PCDHA4: variants seen among roughly 807,000 people sequenced by gnomAD.
PCDHA4 encodes the protein protocadherin alpha 4, also known as protocadherin alpha-4.
PCDHA4 carries 49 observed loss-of-function variants against 61.4 expected under a neutral mutation model. That is an observed-to-expected ratio of 0.80 (90% CI 0.63 to 1.01). The LOEUF (loss-of-function observed/expected upper bound fraction) is 1.01. Ranked by LOEUF, PCDHA4 falls within the 50% of genes least tolerant of loss-of-function variation. PCDHA4 has a pLI of 0.00. For missense variants in PCDHA4, 1,254 were observed against 1,235.8 expected (o/e 1.01, Z -0.22); for synonymous variants, 590 against 550.3 (o/e 1.07, Z -1.01).
intron 1 of PCDHA4, among the ~76,000 whole-genome samples, chr5:140,819,268 A>C (rs1554127630): frequency 1.3e-5 from 2 of 152,162 alleles, no homozygotes; most frequent in Non-Finnish European, 2.9e-5. Context: ...TATAATTTCT[A>C]TAGATAAGAG....
rs79215949 is a variant in PCDHA4 at position 140,921,420 on chromosome 5, C to T, written c.2386-57529C>T. Among the ~76,000 whole-genome samples, 1,220 of 152,204 alleles carry T rather than the reference C, an allele frequency of 8.0e-3. 6 individuals carry two copies. The highest frequency in any genetic ancestry group is 0.019 in the African/African-American group (786 of 41,526). On this transcript the variant is annotated intron_variant, in intron 1 of 3. Coordinates refer to ENST00000530339, the MANE Select transcript of PCDHA4 (RefSeq NM_018907.4). Reference sequence around the variant, plus strand: ...ACTAGATTTTCCTCTGTGCTGCAGACAAAAATTTTCTTCAATGGTGTCTGA... The same window carrying T: ...ACTAGATTTTCCTCTGTGCTGCAGATAAAAATTTTCTTCAATGGTGTCTGA...
At chr5:140,987,952 C>T (rs1176597775) in intron 3 of PCDHA4, among the ~76,000 whole-genome samples, 1 of 152,128 alleles carries the variant, frequency 6.6e-6, no homozygotes, top group African/African-American at 2.4e-5. Flanking sequence ...TCTGACAAAA[C>T]CAACTCCCCA....
intron 2 of PCDHA4, among the ~76,000 whole-genome samples, chr5:140,981,854 C>T (rs2096954295): frequency 6.6e-6 from 1 of 152,132 alleles, no homozygotes; most frequent in South Asian, 2.1e-4. Flanking sequence ...GTATCTCACT[C>T]CCAGCAATGT....
chr5:140,927,582 G>A lies in PCDHA4; in HGVS notation c.2386-51367G>A, dbSNP rs1554204771. On this transcript the variant is annotated intron_variant, in intron 1 of 3. Transcript: ENST00000530339. ...TTGTGGTGGACACAAATGACAACGCGCCTGTATTTGAGCGCTCCGTATACC... is the reference window on the plus strand; with the variant it reads ...TTGTGGTGGACACAAATGACAACGCACCTGTATTTGAGCGCTCCGTATACC... 3.7e-6 allele frequency: 6 copies of A among 1,614,174 alleles called. No individual in the cohort carries two copies. In the East Asian group the frequency reaches 1.1e-4, roughly 30 times the overall value.
intron 1 of PCDHA4, among the ~76,000 whole-genome samples, chr5:140,946,700 G>T (rs2094011625): frequency 6.7e-6 from 1 of 148,322 alleles, no homozygotes; most frequent in African/African-American, 2.5e-5. Flanking sequence ...GGATGAATCT[G>T]GAGGTCATTA....
In PCDHA4 at chr5:140,808,077, C is replaced by G; in HGVS notation, c.890C>G (p.Pro297Arg). ...GTGAAATCCAAGTTTCACATAGATC[C>G]AATTACTGGACAAATTATTGTAAAG... ...PNVKSKFHID[P>R]ITGQIIVKGY... Residue 297 changes from proline (P) to arginine (R), a missense_variant, in exon 1 of 4, where the codon CCA becomes CGA. Coordinates refer to ENST00000530339, the MANE Select transcript of PCDHA4 (RefSeq NM_018907.4). The G allele has an allele frequency of 6.2e-7, 1 of 1,613,850 alleles. No individual in the cohort carries two copies. Among genetic ancestry groups the G allele is most frequent in the Non-Finnish European group, 8.5e-7 (1 of 1,179,824 alleles).
intron 1 of PCDHA4, chr5:140,871,103 C>G (rs202137231): frequency 4.3e-6 from 7 of 1,613,290 alleles, no homozygotes; most frequent in South Asian, 2.2e-5. Flanking sequence ...GTGCTGGTGT[C>G]GTTGGTGGAG....
At chr5:140,839,269 T>TA (rs1554137370) in intron 1 of PCDHA4, among the ~76,000 whole-genome samples, 3 of 152,098 alleles carry the variant, frequency 2.0e-5, no homozygotes, top group African/African-American at 7.2e-5. Flanking sequence ...CATGTATATT[T>TA]AAAACCTTCC....
intron 1 of PCDHA4, chr5:140,822,891 C>T: frequency 6.2e-7 from 1 of 1,614,226 alleles, no homozygotes; most frequent in South Asian, 1.1e-5. Context: ...CTCTGATCAG[C>T]GTGTCTGACC....
intron 1 of PCDHA4, chr5:140,852,112 T>C: frequency 1.1e-6 from 1 of 910,156 alleles, no homozygotes; most frequent in Non-Finnish European, 1.3e-6. Flanking sequence ...TTACAAGGTA[T>C]GACCTAATTA....
chr5:140,876,467 G>T, intron 1 of PCDHA4: 1 of 1,614,020 alleles, frequency 6.2e-7, no homozygotes, highest in Non-Finnish European at 8.5e-7. Flanking sequence ...TCCATGGCAG[G>T]TCACAGCATG....
Position 140,881,317 on chromosome 5 carries a change from T to A in PCDHA4, c.2385+71745T>A, listed in dbSNP as rs2058663628. On this transcript the variant is annotated intron_variant, in intron 1 of 3. Coordinates refer to ENST00000530339, the MANE Select transcript of PCDHA4 (RefSeq NM_018907.4). ...GGAAACTTTAACCTCCTGGTTAAAT[T>A]CTATTTAACCAGGACGCCGATTCGG... 8.2e-6 allele frequency: 8 copies of A among 977,378 alleles called. No individual in the cohort carries two copies. The Admixed American group carries it at 4.9e-4, about 60-fold the overall frequency. The allele number at this position is 977,378 out of a possible 1,614,324, so 60.5% of individuals were successfully genotyped here.
At chr5:140,986,355 T>G (rs1381730343) in intron 3 of PCDHA4, among the ~76,000 whole-genome samples, 6 of 152,154 alleles carry the variant, frequency 3.9e-5, no homozygotes, top group African/African-American at 1.4e-4. Context: ...CTTCTTCAGA[T>G]GGAGGAATGC....
intron 3 of PCDHA4, among the ~76,000 whole-genome samples, chr5:141,005,774 G>A (rs2098239231): frequency 1.4e-5 from 2 of 144,252 alleles, no homozygotes; most frequent in Non-Finnish European, 3.0e-5. Flanking sequence ...AACCAGATGT[G>A]TAAAGATCCT....
At chr5:140,875,474 T>C (rs1369376569) in intron 1 of PCDHA4, 1 of 1,606,582 alleles carries the variant, frequency 6.2e-7, no homozygotes, top group Non-Finnish European at 8.5e-7. Flanking sequence ...TTTTCTGCAA[T>C]GGTGATTATC....
chr5:140,874,624 A>G (rs1554167312), intron 1 of PCDHA4, among the ~76,000 whole-genome samples: 3 of 152,242 alleles, frequency 2.0e-5, no homozygotes, highest in African/African-American at 2.4e-5. Flanking sequence ...AACATTTTAC[A>G]TTAAAGTGCT....
intron 1 of PCDHA4, among the ~76,000 whole-genome samples, chr5:140,886,721 G>A (rs2061104522): frequency 6.6e-6 from 1 of 151,592 alleles, no homozygotes; most frequent in Non-Finnish European, 1.5e-5. Context: ...AGCTACTTGG[G>A]AGGCTGAAGC....
chr5:140,870,880 G>A (rs782304708), intron 1 of PCDHA4: 1 of 1,613,948 alleles, frequency 6.2e-7, no homozygotes, highest in African/African-American at 1.3e-5. Flanking sequence ...GGTGGCGAAG[G>A]TGCGCGCAGT....
At chr5:140,927,059 G>T (rs2153586396) in intron 1 of PCDHA4, 1 of 1,611,324 alleles carries the variant, frequency 6.2e-7, no homozygotes, top group Middle Eastern at 1.7e-4. Flanking sequence ...CGGAACTTTC[G>T]CTTCCTTTCC....
Sources: allele counts gnomAD v4.1 joint callset (sites outside exome capture counted in the v4.1 genomes callset), GRCh38; gene constraint gnomAD v4.1.1; transcripts MANE v1.5; gene names NCBI Gene and HGNC (gene_info 2026-07-23, HGNC 2026-07-21).